The following KIAA1549 variants were observed in gnomAD, a reference collection of about 807,000 sequenced individuals.
KIAA1549 encodes KIAA1549.
In KIAA1549, 70 loss-of-function variants were observed where a neutral mutation model predicts 156.4. The ratio of observed to expected loss-of-function variants is 0.45; its 90% CI spans 0.37 to 0.55. KIAA1549 has a LOEUF of 0.55. Among genes scored for constraint, KIAA1549 ranks in the 20% least tolerant of loss-of-function variants. KIAA1549 has a pLI of 0.00. For missense variants in KIAA1549, 2,428 were observed against 2,540.9 expected (o/e 0.96, Z 0.96); for synonymous variants, 1,103 against 1,066.4 (o/e 1.03, Z -0.67).
At chr7:138,942,176 C>G (rs1378351324) in intron 1 of KIAA1549, among the ~76,000 whole-genome samples, 1 of 152,144 alleles carries the variant, frequency 6.6e-6, no homozygotes, top group Non-Finnish European at 1.5e-5. Flanking sequence ...GCTGCCAAAA[C>G]CCCTTGCTCT....
At chr7:138,940,353 T>C (rs1024644883) in intron 1 of KIAA1549, among the ~76,000 whole-genome samples, 1 of 151,572 alleles carries the variant, frequency 6.6e-6, no homozygotes, top group Non-Finnish European at 1.5e-5. Flanking sequence ...CTCATCATTT[T>C]TTATGGCTGC....
intron 7 of KIAA1549, 144 bp from the exon 8 acceptor site, chr7:138,903,880 T>G (rs1442215423): frequency 2.7e-6 from 2 of 734,954 alleles, no homozygotes; most frequent in Non-Finnish European, 4.2e-6. Context: ...CACATATGTA[T>G]TTGAAATTAA....
chr7:138,906,454 T>C (rs972419468), intron 6 of KIAA1549, among the ~76,000 whole-genome samples: 1 of 152,174 alleles, frequency 6.6e-6, no homozygotes, highest in Non-Finnish European at 1.5e-5. Flanking sequence ...AGGAGGTATA[T>C]GGGAAATCTG....
rs1814531513 is a variant in KIAA1549 at position 138,981,071 on chromosome 7, G to C, written c.187+12C>G. The stretch of plus-strand genomic sequence containing the variant: ...GTCGCGGCCGCGTTCCGAGGGTCTC[G>C]GCGGAGCTTACCTGGGGCGCACGAG... On this transcript the variant is annotated intron_variant, in intron 1 of 19. Coordinates refer to ENST00000422774, the MANE Select transcript of KIAA1549 (RefSeq NM_001164665.2). This position sits in a 1 kb window ranked among gnomAD's most constrained non-coding sequence, Gnocchi z 4.5. The C allele has an allele frequency of 9.0e-6, 11 of 1,224,946 alleles. No individual in the cohort carries two copies. The highest frequency in any genetic ancestry group is 1.6e-5 in the African/African-American group (1 of 64,208). 75.9% of individuals were successfully genotyped at this position (1,224,946 alleles called of 1,614,324 possible). A position where few individuals can be genotyped will look rare whatever the true frequency, so the allele number is the denominator to read the frequency against.
chr7:138,967,478 T>C (rs1328484011), intron 1 of KIAA1549, among the ~76,000 whole-genome samples: 1 of 152,132 alleles, frequency 6.6e-6, no homozygotes, highest in Non-Finnish European at 1.5e-5. Context: ...AATGAATGCA[T>C]ATCGTTTTTA....
intron 15 of KIAA1549, among the ~76,000 whole-genome samples, chr7:138,864,415 G>A (rs990883246): frequency 2.0e-5 from 3 of 152,104 alleles, no homozygotes; most frequent in African/African-American, 7.2e-5. Context: ...AGGAGCTCCT[G>A]GGCCAGGACA....
At chr7:138,851,856 T>C (rs1158987022) in intron 17 of KIAA1549, among the ~76,000 whole-genome samples, 1 of 152,214 alleles carries the variant, frequency 6.6e-6, no homozygotes, top group African/African-American at 2.4e-5. Flanking sequence ...GTGCTTCTTC[T>C]GGAATCCGCA....
chr7:138,873,110 G>C (rs1362881133), intron 12 of KIAA1549, among the ~76,000 whole-genome samples: 1 of 152,230 alleles, frequency 6.6e-6, no homozygotes, highest in Non-Finnish European at 1.5e-5. Flanking sequence ...AAACATAGAT[G>C]AGCAAAGCAG....
chr7:138,972,552 T>C (rs1814250681), intron 1 of KIAA1549, among the ~76,000 whole-genome samples: 1 of 151,950 alleles, frequency 6.6e-6, no homozygotes, highest in Non-Finnish European at 1.5e-5. Context: ...CTCGGGCCAA[T>C]GGCTCACCTT....
chr7:138,900,954 G>A (rs947297938), intron 8 of KIAA1549, among the ~76,000 whole-genome samples: 8 of 152,170 alleles, frequency 5.3e-5, no homozygotes, highest in Non-Finnish European at 1.2e-4. Context: ...CAACATCAAT[G>A]GACTAAGATG....
chr7:138,842,674 C>G (rs894015180), intron 18 of KIAA1549, among the ~76,000 whole-genome samples: 1 of 135,676 alleles, frequency 7.4e-6, no homozygotes, highest in Admixed American at 7.6e-5. Flanking sequence ...GCCTGGGCGA[C>G]AGAACAAAAA....
intron 2 of KIAA1549, among the ~76,000 whole-genome samples, chr7:138,913,593 C>G (rs1362958661): frequency 6.6e-6 from 1 of 152,272 alleles, no homozygotes; most frequent in South Asian, 2.1e-4. Flanking sequence ...GACAGAATCA[C>G]TCTGTATTCT....
intron 1 of KIAA1549, among the ~76,000 whole-genome samples, chr7:138,959,902 T>C (rs992210953): frequency 7.2e-5 from 11 of 152,220 alleles, no homozygotes; most frequent in African/African-American, 2.7e-4. Context: ...GTCACACCCA[T>C]GTGGGATCAG....
Position 138,850,777 on chromosome 7 carries a change from C to T in KIAA1549, c.5294+1446G>A, listed in dbSNP as rs1810212270. Among the ~76,000 whole-genome samples the T allele has an allele frequency of 2.6e-5, 4 of 152,142 alleles. No homozygotes were observed. The South Asian group carries it at 8.3e-4, about 31-fold the overall frequency. ...GTCTTCATCATGAAATCTTTGCTCA[C>T]TCCTATGTCCAGAATGCTATTGCCT... On this transcript the variant is annotated intron_variant, in intron 17 of 19. Transcript: ENST00000422774.
rs1041963089 is a variant in KIAA1549 at position 138,834,858 on chromosome 7, C to A, written c.*3048G>T. 1 of 231,612 alleles carries A rather than the reference C, an allele frequency of 4.3e-6. No individual in the cohort carries two copies. Among genetic ancestry groups the A allele is most frequent in the African/African-American group, 2.2e-5 (1 of 45,154 alleles). The allele number at this position is 231,612 out of a possible 1,614,324, so 14.3% of individuals were successfully genotyped here. A position where few individuals can be genotyped will look rare whatever the true frequency, so the allele number is the denominator to read the frequency against. On this transcript the variant is annotated 3_prime_UTR_variant, in exon 20 of 20. Transcript: ENST00000422774. ...TGCACACATGATCACATCTGATTCTCACAACTACGGTGCCTGGGAGGTGGC... is the reference window on the plus strand; with the variant it reads ...TGCACACATGATCACATCTGATTCTAACAACTACGGTGCCTGGGAGGTGGC...
At chr7:138,924,422 T>C (rs1812655020) in intron 1 of KIAA1549, among the ~76,000 whole-genome samples, 1 of 152,098 alleles carries the variant, frequency 6.6e-6, no homozygotes. Flanking sequence ...CACAACTATA[T>C]TTGGAAGTGA....
chr7:138,925,488 C>T (rs532963453), intron 1 of KIAA1549, among the ~76,000 whole-genome samples: 1 of 152,088 alleles, frequency 6.6e-6, no homozygotes, highest in African/African-American at 2.4e-5. Flanking sequence ...AATCAAGCCA[C>T]CAAATTAAAG....
In KIAA1549 at chr7:138,836,880, T is replaced by C. The variant is rs17160567; in HGVS notation, c.*1026A>G. On this transcript the variant is annotated 3_prime_UTR_variant, in exon 20 of 20. Transcript: ENST00000422774. ...AGGGAATGTGACTGGTAGGGATGTA[T>C]GTATAACAATTTCGTGGTGCTGGGA... 9,660 of 225,882 alleles carry C rather than the reference T, an allele frequency of 0.043. 698 individuals are homozygous for C. Among genetic ancestry groups the C allele is most frequent in the African/African-American group, 0.17 (7,746 of 45,000 alleles). 14.0% of individuals were successfully genotyped at this position (225,882 alleles called of 1,614,324 possible). A position where few individuals can be genotyped will look rare whatever the true frequency, so the allele number is the denominator to read the frequency against.
Position 138,834,078 on chromosome 7 carries a change from T to TCAGA in KIAA1549, c.*3824_*3827dup, listed in dbSNP as rs1266118804. 1 of 226,770 alleles carries TCAGA rather than the reference T, an allele frequency of 4.4e-6. No individual in the cohort carries two copies. The highest frequency in any genetic ancestry group is 8.8e-6 in the Non-Finnish European group (1 of 114,018). The allele number at this position is 226,770 out of a possible 1,614,324, so 14.0% of individuals were successfully genotyped here. ...TAGCTGCCCTGCCTTCAAAGTCACT[T>TCAGA]CAGAAGTTGACGTCTCCCCAAGATA... is the stretch of plus-strand genomic sequence containing the variant. On this transcript the variant is annotated 3_prime_UTR_variant, in exon 20 of 20. Transcript: ENST00000422774.
Sources: gnomAD v4.1 joint callset for allele counts (sites outside exome capture counted in the v4.1 genomes callset) on GRCh38, gnomAD v4.1.1 for gene constraint, Gnocchi (gnomAD v3.1) non-coding constraint, MANE v1.5 for transcripts, NCBI Gene and HGNC (gene_info 2026-07-23, HGNC 2026-07-21) for gene names.